SMARCA2: variants seen among roughly 807,000 people sequenced by gnomAD.
SMARCA2 encodes the protein SWI/SNF-related matrix-associated actin-dependent regulator of chromatin subfamily A member 2.
A neutral mutation model predicts 199.8 loss-of-function variants in SMARCA2; 61 were observed. The ratio of observed to expected loss-of-function variants is 0.31; its 90% confidence interval spans 0.25 to 0.38. SMARCA2 has a LOEUF of 0.38. SMARCA2 is among the 10% of genes least tolerant of loss of function. SMARCA2 has a pLI of 1.00. For synonymous variants in SMARCA2, 935 were observed against 732.0 expected, an observed-to-expected ratio of 1.28 and a Z score of -4.48; for missense variants, 1,344 against 2,012.2, an observed-to-expected ratio of 0.67 and a Z score of 6.35.
At chr9:2,070,380 C>A (rs749583642) in intron 9 of SMARCA2, 38 bp from the exon 10 acceptor site, 6 of 1,585,460 alleles carry the variant, frequency 3.8e-6, no homozygotes, top group Non-Finnish European at 4.3e-6. Flanking sequence ...ACCCCATCAT[C>A]TTGGTTACTT....
chr9:2,113,317 A>G (rs1224360232), intron 24 of SMARCA2, among the ~76,000 whole-genome samples: 1 of 152,148 alleles, frequency 6.6e-6, no homozygotes, highest in East Asian at 1.9e-4. Flanking sequence ...TTGGTTAGAA[A>G]CATGGGTTGG....
At chr9:2,062,214 A>G (rs1820624784) in intron 9 of SMARCA2, among the ~76,000 whole-genome samples, 1 of 152,252 alleles carries the variant, frequency 6.6e-6, no homozygotes. Context: ...TGACTTCCAG[A>G]AAAAATTTTT....
At chr9:2,054,791 G>C in intron 6 of SMARCA2, 68 bp downstream of exon 6, 2 of 1,534,166 alleles carry the variant, frequency 1.3e-6, no homozygotes, top group Non-Finnish European at 1.8e-6. Flanking sequence ...AGTGTTATCT[G>C]TGTTGCCTTT....
rs2130539840 is a variant in SMARCA2 at position 2,100,145 on chromosome 9, A to G, written c.3079-1425A>G. On this transcript the variant is annotated intron_variant, in intron 21 of 33. Transcript: ENST00000349721. ...GGGAGACAGCCGGTGGCTGATGTGA[A>G]GGTGTAACCTGCTCTCCATTCCCAC... Among the ~76,000 whole-genome samples, 3 of 152,362 alleles carry G rather than the reference A, an allele frequency of 2.0e-5. 1 individual carries two copies. In the South Asian group the frequency reaches 6.2e-4, roughly 32 times the overall value.
At chr9:2,102,009 A>C (rs1413059703) in intron 22 of SMARCA2, among the ~76,000 whole-genome samples, 1 of 152,166 alleles carries the variant, frequency 6.6e-6, no homozygotes, top group East Asian at 1.9e-4. Flanking sequence ...TCTGCTGTAA[A>C]TGTTTACAGT....
At position 2,169,562 on chromosome 9, in the gene SMARCA2, C is replaced by T. The variant is rs7853073; in HGVS notation, c.4200-857C>T. ...TATGCTTTTCCCTCTCTGCAACACC[C>T]CGACCCCACACTGACTCTAGAGCAG... On this transcript the variant is annotated intron_variant, in intron 28 of 33. Coordinates refer to ENST00000349721, the MANE Select transcript of SMARCA2 (RefSeq NM_003070.5). The surrounding 1 kb of genome is among the most constrained non-coding windows in gnomAD (Gnocchi z 6.5). Among the ~76,000 whole-genome samples, 1 of 152,186 alleles carries T rather than the reference C, an allele frequency of 6.6e-6. No homozygotes were observed. Among genetic ancestry groups the T allele is most frequent in the African/African-American group, 2.4e-5 (1 of 41,466 alleles).
At chr9:2,078,680 C>G (rs1317368459) in intron 14 of SMARCA2, among the ~76,000 whole-genome samples, 1 of 152,116 alleles carries the variant, frequency 6.6e-6, no homozygotes, top group Non-Finnish European at 1.5e-5. Context: ...TGCGGTAGCT[C>G]ACGCCTGTAA....
chr9:2,016,443 C>A lies in SMARCA2; in HGVS notation c.-37+1039C>A, dbSNP rs187687489. On this transcript the variant is annotated intron_variant, in intron 1 of 33. Transcript: ENST00000349721. This position sits in a 1 kb window ranked among gnomAD's most constrained non-coding sequence, Gnocchi z 5.6. ...TCCCCGGGTCCGTGTTCTTTTGCTTCGCGTCTTCCCCTTGCTTGCGCCGCG... is the reference window on the plus strand; with the variant it reads ...TCCCCGGGTCCGTGTTCTTTTGCTTAGCGTCTTCCCCTTGCTTGCGCCGCG... 5.6e-3 allele frequency: 848 copies of A among 152,554 alleles called. 11 individuals are homozygous for A. Among genetic ancestry groups the A allele is most frequent in the African/African-American group, 0.02 (812 of 41,566 alleles). 9.5% of individuals were successfully genotyped at this position (152,554 alleles called of 1,614,324 possible).
intron 26 of SMARCA2, among the ~76,000 whole-genome samples, chr9:2,120,432 G>C (rs1444417907): frequency 6.6e-6 from 1 of 152,148 alleles, no homozygotes; most frequent in Non-Finnish European, 1.5e-5. Flanking sequence ...TTTTCAAGGG[G>C]AGCTTGAAGT....
In SMARCA2 at chr9:2,047,274, C is replaced by T. The variant is rs1366632338; in HGVS notation, c.836C>T (p.Pro279Leu). ...GGCCCGAGCACCCCGCAGAAGCTGC[C>T]GGTGCCCGCGCCCGGCGGCCGGCCC... is the stretch of plus-strand genomic sequence containing the variant. Reference protein sequence around the residue: ...LSGPSTPQKLPVPAPGGRPSP... With the variant: ...LSGPSTPQKLLVPAPGGRPSP... The change falls in exon 5 of 34, where the codon CCG (proline) becomes CTG (leucine). Residue 279 changes from proline (P) to leucine (L), a missense_variant. By Grantham distance (98) the Pro-to-Leu change is moderately conservative (BLOSUM62 -3). Transcript: ENST00000349721. 7.0e-6 allele frequency: 7 copies of T among 1,002,342 alleles called. No individual in the cohort carries two copies. The highest frequency in any genetic ancestry group is 5.3e-5 in the African/African-American group (3 of 56,898). 62.1% of individuals were successfully genotyped at this position (1,002,342 alleles called of 1,614,324 possible).
intron 29 of SMARCA2, among the ~76,000 whole-genome samples, chr9:2,180,017 A>C (rs371993064): frequency 2.0e-5 from 3 of 152,342 alleles, no homozygotes; most frequent in African/African-American, 7.2e-5. Flanking sequence ...AGGTGATGGT[A>C]AATAAAATAG....
chr9:2,156,347 T>C (rs955252408), intron 27 of SMARCA2, among the ~76,000 whole-genome samples: 1 of 107,046 alleles, frequency 9.3e-6, no homozygotes, highest in Non-Finnish European at 2.4e-5. Context: ...TTAATTTAGA[T>C]AATTTGGTTT....
intron 1 of SMARCA2, among the ~76,000 whole-genome samples, chr9:2,026,788 C>T (rs967620345): frequency 1.3e-5 from 2 of 152,120 alleles, no homozygotes; most frequent in South Asian, 4.1e-4. Context: ...CCTGAATCGA[C>T]GTCAGCTTCC....
rs7853086 is a variant in SMARCA2, at chr9:2,123,420, A to G, written c.3763-299A>G. The stretch of plus-strand genomic sequence containing the variant: ...CATTCCCAATTTGAATTTTTCCACT[A>G]TTACTTTAAAGAGGGAGCTTTGCAT... On this transcript the variant is annotated intron_variant, in intron 26 of 33. Coordinates refer to ENST00000349721, the MANE Select transcript of SMARCA2 (RefSeq NM_003070.5). This position sits in a 1 kb window ranked among gnomAD's most constrained non-coding sequence, Gnocchi z 4.1. Among the ~76,000 whole-genome samples, 1 of 151,992 alleles carries G rather than the reference A, an allele frequency of 6.6e-6. No individual in the cohort carries two copies. Among genetic ancestry groups the G allele is most frequent in the Non-Finnish European group, 1.5e-5 (1 of 68,022 alleles).
At chr9:2,138,077 A>C (rs1005876647) in intron 27 of SMARCA2, among the ~76,000 whole-genome samples, 12 of 152,226 alleles carry the variant, frequency 7.9e-5, no homozygotes, top group African/African-American at 2.7e-4. Flanking sequence ...TAAAAAGTAC[A>C]AGCATTGCTT....
chr9:2,188,825 T>G (rs1827673137), intron 32 of SMARCA2, among the ~76,000 whole-genome samples: 1 of 152,228 alleles, frequency 6.6e-6, no homozygotes, highest in Non-Finnish European at 1.5e-5. Flanking sequence ...ATCCTGGTTC[T>G]CAGCAGAGTT....
intron 25 of SMARCA2, among the ~76,000 whole-genome samples, chr9:2,118,904 C>T (rs902095207): frequency 6.6e-6 from 1 of 152,020 alleles, no homozygotes; most frequent in Non-Finnish European, 1.5e-5. Flanking sequence ...CAATAATACC[C>T]ATAGAAATAT....
intron 27 of SMARCA2, among the ~76,000 whole-genome samples, chr9:2,136,704 A>C (rs1824211522): frequency 2.0e-5 from 3 of 152,130 alleles, no homozygotes; most frequent in African/African-American, 7.2e-5. Flanking sequence ...AGAGACTATT[A>C]ATAGAGGTAA....
chr9:2,076,208 C>T, intron 12 of SMARCA2, 21 bp from the exon 13 acceptor site: 3 of 1,309,658 alleles, frequency 2.3e-6, no homozygotes, highest in Non-Finnish European at 3.3e-6. Context: ...AATTTCCTCC[C>T]TATCTTTGTT....
Sources: gnomAD v4.1 joint callset for allele counts (sites outside exome capture counted in the v4.1 genomes callset) on GRCh38, gnomAD v4.1.1 for gene constraint, Gnocchi (gnomAD v3.1) non-coding constraint, MANE v1.5 for transcripts, NCBI Gene and HGNC (gene_info 2026-07-23, HGNC 2026-07-21) for gene names.